The following PLA2G4A variants were observed in gnomAD, a reference collection of about 807,000 sequenced individuals.
PLA2G4A encodes the protein phospholipase A2 group IVA.
PLA2G4A carries 40 observed loss-of-function variants against 81.9 expected under a neutral mutation model. The observed-to-expected ratio is 0.49, with a 90% confidence interval of 0.38 to 0.64. The LOEUF (loss-of-function observed/expected upper bound fraction) is 0.64, where lower values mean the gene tolerates loss of function less well. Ranked by LOEUF, PLA2G4A falls within the 30% of genes least tolerant of loss-of-function variation. The probability of loss-of-function intolerance (pLI) is 0.00; values close to 1 mark genes in which losing one functional copy is unlikely to be tolerated. For missense variants in PLA2G4A, 715 were observed against 905.1 expected (o/e 0.79, Z 2.69); for synonymous variants, 302 against 296.9 (o/e 1.02, Z -0.18).
chr1:186,987,866 T>G (rs1657936702), intron 17 of PLA2G4A, among the ~76,000 whole-genome samples: 1 of 152,210 alleles, frequency 6.6e-6, no homozygotes, highest in East Asian at 1.9e-4. Flanking sequence ...GCATGATGTT[T>G]CCTAGATAGA....
intron 15 of PLA2G4A, among the ~76,000 whole-genome samples, chr1:186,971,664 G>A (rs1657360893): frequency 1.3e-5 from 2 of 151,968 alleles, no homozygotes; most frequent in Admixed American, 1.3e-4. Flanking sequence ...TATAAGTGTT[G>A]TTATCAAAAT....
At chr1:186,966,630 A>C (rs1657140815) in intron 15 of PLA2G4A, among the ~76,000 whole-genome samples, 1 of 152,168 alleles carries the variant, frequency 6.6e-6, no homozygotes, top group Non-Finnish European at 1.5e-5. Context: ...TGAATGTGGC[A>C]ATATGGAAAG....
intron 1 of PLA2G4A, among the ~76,000 whole-genome samples, chr1:186,830,118 A>G (rs1322981799): frequency 1.3e-5 from 2 of 152,210 alleles, no homozygotes; most frequent in East Asian, 1.9e-4. Context: ...CAATCAAGTT[A>G]GAGGTTGGGA....
intron 15 of PLA2G4A, among the ~76,000 whole-genome samples, chr1:186,974,267 T>A (rs1309456140): frequency 6.6e-6 from 1 of 152,166 alleles, no homozygotes; most frequent in Non-Finnish European, 1.5e-5. Flanking sequence ...GTCTTCTTAG[T>A]GGTGTTTCAG....
At chr1:186,839,620 A>G (rs1651906019) in intron 1 of PLA2G4A, among the ~76,000 whole-genome samples, 1 of 152,196 alleles carries the variant, frequency 6.6e-6, no homozygotes, top group Non-Finnish European at 1.5e-5. Flanking sequence ...GGTAGAGGCA[A>G]TATAAATTTC....
intron 5 of PLA2G4A, among the ~76,000 whole-genome samples, chr1:186,903,831 G>A (rs1438053982): frequency 6.6e-6 from 1 of 152,120 alleles, no homozygotes; most frequent in Non-Finnish European, 1.5e-5. Context: ...CACAATAAAT[G>A]TAATGCACTT....
chr1:186,877,262 T>C (rs1352393451), intron 3 of PLA2G4A, among the ~76,000 whole-genome samples: 1 of 152,028 alleles, frequency 6.6e-6, no homozygotes, highest in Non-Finnish European at 1.5e-5. Context: ...TCTTGGGAGA[T>C]ATTGAGATAT....
At chr1:186,894,561 CAGAG>C (rs147621153) in intron 5 of PLA2G4A, among the ~76,000 whole-genome samples, 12 of 149,506 alleles carry the variant, frequency 8.0e-5, no homozygotes, top group East Asian at 2.0e-4. Flanking sequence ...GAGCTGGGGG[CAGAG>C]AGAGAGAGAG....
intron 3 of PLA2G4A, among the ~76,000 whole-genome samples, chr1:186,879,425 T>A (rs1216972898): frequency 1.3e-5 from 2 of 151,948 alleles, no homozygotes; most frequent in African/African-American, 4.8e-5. Flanking sequence ...ACAAGAAAAA[T>A]AATGATAATA....
chr1:186,922,116 G>A (rs1171497662), intron 7 of PLA2G4A, among the ~76,000 whole-genome samples: 4 of 152,202 alleles, frequency 2.6e-5, no homozygotes, highest in African/African-American at 9.6e-5. Flanking sequence ...CTTACTTTGT[G>A]CCTGACCTGT....
intron 1 of PLA2G4A, among the ~76,000 whole-genome samples, chr1:186,851,131 C>T (rs1652358021): frequency 6.6e-6 from 1 of 151,968 alleles, no homozygotes; most frequent in South Asian, 2.1e-4. Flanking sequence ...TTCTAGATCC[C>T]ATAACCAATG....
At chr1:186,955,645 C>T (rs1403897989) in intron 13 of PLA2G4A, among the ~76,000 whole-genome samples, 1 of 151,390 alleles carries the variant, frequency 6.6e-6, no homozygotes, top group African/African-American at 2.4e-5. Context: ...AAATGATTAA[C>T]TGCAATATTA....
chr1:186,844,822 G>A (rs1652115234), intron 1 of PLA2G4A, among the ~76,000 whole-genome samples: 1 of 152,162 alleles, frequency 6.6e-6, no homozygotes, highest in African/African-American at 2.4e-5. Context: ...AAATGTACTT[G>A]GTGTTTATAA....
At chr1:186,874,077 A>G (rs888293990) in intron 3 of PLA2G4A, among the ~76,000 whole-genome samples, 3 of 152,094 alleles carry the variant, frequency 2.0e-5, no homozygotes, top group African/African-American at 7.2e-5. Context: ...TTTACTTTTA[A>G]ACCTACAGGA....
intron 8 of PLA2G4A, among the ~76,000 whole-genome samples, chr1:186,934,766 T>C (rs2102209005): frequency 6.6e-6 from 1 of 152,028 alleles, no homozygotes; most frequent in East Asian, 1.9e-4. Context: ...TTGAGACATT[T>C]CACACATTGA....
chr1:186,935,693 G>C (rs1655921131), intron 8 of PLA2G4A, among the ~76,000 whole-genome samples: 1 of 151,902 alleles, frequency 6.6e-6, no homozygotes. Flanking sequence ...AAAAAGTACA[G>C]GTGAGAAGGT....
At chr1:186,962,279 T>C (rs1231679601) in intron 14 of PLA2G4A, among the ~76,000 whole-genome samples, 1 of 152,070 alleles carries the variant, frequency 6.6e-6, no homozygotes, top group Non-Finnish European at 1.5e-5. Flanking sequence ...AAAAACATAG[T>C]ATATGTAGAG....
At chr1:186,842,922 T>C (rs1652040820) in intron 1 of PLA2G4A, among the ~76,000 whole-genome samples, 1 of 152,242 alleles carries the variant, frequency 6.6e-6, no homozygotes, top group Admixed American at 6.5e-5. Flanking sequence ...CTATTGCTTA[T>C]TGTATAATTT....
chr1:186,968,072 C>CT (rs1657196571), intron 15 of PLA2G4A, among the ~76,000 whole-genome samples: 1 of 152,006 alleles, frequency 6.6e-6, no homozygotes. Context: ...GTGGATGACT[C>CT]TAAGATGATA....
Sources: allele counts gnomAD v4.1 joint callset (sites outside exome capture counted in the v4.1 genomes callset), GRCh38; gene constraint gnomAD v4.1.1; transcripts MANE v1.5; gene names NCBI Gene and HGNC (gene_info 2026-07-23, HGNC 2026-07-21).